RANBP2: variants seen among roughly 807,000 people sequenced by gnomAD.
RANBP2 encodes E3 SUMO-protein ligase RanBP2.
A neutral mutation model predicts 303.6 loss-of-function variants in RANBP2; 57 were observed. The ratio of observed to expected loss-of-function variants is 0.19; its 90% CI spans 0.15 to 0.23. The LOEUF is 0.23. Ranked by LOEUF, RANBP2 falls within the 10% of genes least tolerant of loss-of-function variation. The pLI is 1.00. For missense variants in RANBP2, 3,138 were observed against 3,780.8 expected (o/e 0.83, Z 4.46); for synonymous variants, 1,167 against 1,301.5 (o/e 0.90, Z 2.23).
chr2:109,628,195 T>G, the RANBP2 span, among the ~76,000 whole-genome samples: 1 of 152,042 alleles, frequency 6.6e-6, no homozygotes, highest in Non-Finnish European at 1.5e-5. Context: ...AAAATCACAT[T>G]TAAAAAGATA....
the RANBP2 span, among the ~76,000 whole-genome samples, chr2:108,843,443 C>G: frequency 1.3e-5 from 2 of 152,240 alleles, no homozygotes; most frequent in Non-Finnish European, 2.9e-5. Flanking sequence ...CAGGCATAAG[C>G]CACCGCACCT....
the RANBP2 span, among the ~76,000 whole-genome samples, chr2:109,316,726 A>C: frequency 1.1e-4 from 16 of 152,204 alleles, no homozygotes; most frequent in African/African-American, 1.7e-4. Context: ...GGACAAATCT[A>C]TAATGCGATG....
chr2:109,497,250 C>A, the RANBP2 span, among the ~76,000 whole-genome samples: 1 of 152,200 alleles, frequency 6.6e-6, no homozygotes, highest in African/African-American at 2.4e-5. Context: ...CTAGCAGACA[C>A]CACTCTGTTA....
the RANBP2 span, among the ~76,000 whole-genome samples, chr2:109,078,185 A>ATATATATATAGCG: frequency 4.9e-5 from 2 of 40,874 alleles, no homozygotes; most frequent in African/African-American, 9.9e-5. Context: ...TATATATAGC[A>ATATATATATAGCG]TATATATATA....
chr2:108,993,366 A>T, the RANBP2 span, among the ~76,000 whole-genome samples: 1 of 152,330 alleles, frequency 6.6e-6, no homozygotes, highest in African/African-American at 2.4e-5. Context: ...CCAGCCCAGG[A>T]AGGGTGGTAG....
At chr2:109,435,096 A>G in the RANBP2 span, among the ~76,000 whole-genome samples, 1 of 152,096 alleles carries the variant, frequency 6.6e-6, no homozygotes, top group East Asian at 1.9e-4. Context: ...AGGAAAAGCC[A>G]CTCCAAATCT....
chr2:109,581,240 C>T, the RANBP2 span, among the ~76,000 whole-genome samples: 1 of 151,924 alleles, frequency 6.6e-6, no homozygotes, highest in African/African-American at 2.4e-5. Flanking sequence ...AGGAGTTCAA[C>T]ACCAGCCTGA....
intron 15 of RANBP2, 70 bp downstream of exon 15, chr2:108,754,041 A>G (rs1417277317): frequency 1.9e-6 from 3 of 1,610,580 alleles, no homozygotes; most frequent in Non-Finnish European, 2.5e-6. Context: ...CGTTGGTCTT[A>G]TATTTTGGTA....
the RANBP2 span, among the ~76,000 whole-genome samples, chr2:108,879,629 T>C: frequency 7.9e-3 from 1,207 of 152,308 alleles, 14 homozygotes; most frequent in African/African-American, 0.027. Flanking sequence ...AAGTTTTTAG[T>C]ATATTATTAT....
chr2:108,796,809 C>G, the RANBP2 span, among the ~76,000 whole-genome samples: 1 of 151,990 alleles, frequency 6.6e-6, no homozygotes, highest in Admixed American at 6.6e-5. Context: ...TGGTGGTTAC[C>G]AGAGGCTGGG....
At chr2:109,308,352 A>G in the RANBP2 span, among the ~76,000 whole-genome samples, 7,708 of 86,430 alleles carry the variant, frequency 0.089, 173 homozygotes, top group African/African-American at 0.18. Context: ...GGTTGCGAAA[A>G]TTTTCTCCCA....
At chr2:109,376,602 G>A in the RANBP2 span, among the ~76,000 whole-genome samples, 6 of 152,224 alleles carry the variant, frequency 3.9e-5, no homozygotes, top group Admixed American at 2.0e-4. Context: ...TGACAACATC[G>A]GTTGTCCAGG....
chr2:109,278,242 T>C, the RANBP2 span, among the ~76,000 whole-genome samples: 336 of 152,122 alleles, frequency 2.2e-3, 1 homozygote, highest in Middle Eastern at 6.8e-3. Context: ...TTGTGGAGGA[T>C]GTTTCCCTGA....
chr2:109,071,596 C>T, the RANBP2 span, among the ~76,000 whole-genome samples: 4 of 152,106 alleles, frequency 2.6e-5, no homozygotes, highest in Non-Finnish European at 4.4e-5. Context: ...ATCACTTGAA[C>T]CTGGGAGGTA....
At chr2:109,517,271 G>A in the RANBP2 span, among the ~76,000 whole-genome samples, 2 of 152,004 alleles carry the variant, frequency 1.3e-5, no homozygotes, top group East Asian at 3.9e-4. Flanking sequence ...CATGACTTCA[G>A]TGCCCCTTTG....
At chr2:108,776,495 C>A (rs756087727) in intron 24 of RANBP2, among the ~76,000 whole-genome samples, 16 of 152,144 alleles carry the variant, frequency 1.1e-4, no homozygotes, top group Middle Eastern at 3.4e-3. Flanking sequence ...GCTTTGTGTA[C>A]CTTACCTACT....
At chr2:109,543,170 A>G in the RANBP2 span, 4 of 152,646 alleles carry the variant, frequency 2.6e-5, no homozygotes, top group Admixed American at 1.3e-4. Flanking sequence ...GTGCATTTTT[A>G]TATCTTTAAT....
At chr2:109,363,548 C>T in the RANBP2 span, among the ~76,000 whole-genome samples, 1 of 152,144 alleles carries the variant, frequency 6.6e-6, no homozygotes, top group Non-Finnish European at 1.5e-5. Context: ...GCCATTCCTT[C>T]TCTGGTGCGT....
chr2:109,137,509 T>C, the RANBP2 span, among the ~76,000 whole-genome samples: 1 of 152,126 alleles, frequency 6.6e-6, no homozygotes, highest in East Asian at 1.9e-4. Context: ...AGGTCAGGAG[T>C]GTCCAGCACG....
Sources: gnomAD v4.1 joint callset for allele counts (sites outside exome capture counted in the v4.1 genomes callset) on GRCh38, gnomAD v4.1.1 for gene constraint, MANE v1.5 for transcripts, NCBI Gene and HGNC (gene_info 2026-07-23, HGNC 2026-07-21) for gene names.